The following IL22RA1 variants were observed in gnomAD, a reference collection of about 807,000 sequenced individuals.
The protein encoded by IL22RA1 is interleukin 22 receptor subunit alpha 1, also known as interleukin-22 receptor subunit alpha-1.
Under a neutral mutation model 32.8 loss-of-function variants are expected in IL22RA1, and 25 were observed. That is an observed-to-expected ratio of 0.76 (90% CI 0.55 to 1.06). The LOEUF (loss-of-function observed/expected upper bound fraction) is 1.06, where lower values mean the gene tolerates loss of function less well. IL22RA1 is among the 50% of genes least tolerant of loss of function. The pLI is 0.00. For synonymous variants in IL22RA1, 305 were observed against 305.0 expected (o/e 1.00, Z 0.00); for missense variants, 709 against 727.4 (o/e 0.97, Z 0.29).
At chr1:24,125,157 T>C (rs1463844604) in intron 5 of IL22RA1, among the ~76,000 whole-genome samples, 2 of 152,190 alleles carry the variant, frequency 1.3e-5, no homozygotes, top group African/African-American at 2.4e-5. Context: ...ATGATCTGTA[T>C]GATCATGTAG....
intron 4 of IL22RA1, among the ~76,000 whole-genome samples, chr1:24,133,919 AT>A (rs1446966938): frequency 4.0e-5 from 6 of 151,892 alleles, no homozygotes; most frequent in African/African-American, 1.5e-4. Flanking sequence ...TAATAATAAA[AT>A]AAAAATAAAT....
At chr1:24,136,691 C>T (rs918936649) in intron 3 of IL22RA1, among the ~76,000 whole-genome samples, 8 of 152,064 alleles carry the variant, frequency 5.3e-5, no homozygotes, top group Non-Finnish European at 8.8e-5. Context: ...CCTCGTGGGC[C>T]GTGGCAAGGA....
intron 6 of IL22RA1, 71 bp from the exon 7 acceptor site, chr1:24,121,808 G>A (rs1277607970): frequency 2.4e-6 from 3 of 1,260,436 alleles, no homozygotes; most frequent in East Asian, 2.7e-5. Context: ...GGTGATGTGG[G>A]TGGGTGAGGT....
chr1:24,128,295 A>T lies in IL22RA1; in HGVS notation c.532-16T>A. 1 of 1,613,276 alleles carries T rather than the reference A, an allele frequency of 6.2e-7. No homozygotes were observed. The highest frequency in any genetic ancestry group is 8.5e-7 in the Non-Finnish European group (1 of 1,179,620). ...CTCCAAGGTGCTGAATTGGACAGAGAATGGAATGTGATTCCTGTTACACAC... is the reference window on the plus strand; with the variant it reads ...CTCCAAGGTGCTGAATTGGACAGAGTATGGAATGTGATTCCTGTTACACAC... On this transcript the variant is annotated splice_polypyrimidine_tract_variant and intron_variant, in intron 4 of 6. Coordinates refer to ENST00000270800, the MANE Select transcript of IL22RA1 (RefSeq NM_021258.4).
At chr1:24,139,292 G>C (rs991401196) in intron 1 of IL22RA1, among the ~76,000 whole-genome samples, 1 of 152,200 alleles carries the variant, frequency 6.6e-6, no homozygotes, top group Non-Finnish European at 1.5e-5. Flanking sequence ...TTTTAGGGCT[G>C]AATAATATTC....
intron 4 of IL22RA1, among the ~76,000 whole-genome samples, chr1:24,133,730 T>A (rs1375375585): frequency 6.6e-6 from 1 of 152,130 alleles, no homozygotes; most frequent in Non-Finnish European, 1.5e-5. Flanking sequence ...CAAAAAACAA[T>A]GTAAATATTA....
At chr1:24,135,006 A>G (rs1644232811) in intron 3 of IL22RA1, 1 of 165,318 alleles carries the variant, frequency 6.0e-6, no homozygotes, top group South Asian at 2.0e-4. Context: ...TTTACCCTGA[A>G]TCTAATTTGT....
intron 6 of IL22RA1, 132 bp downstream of exon 6, chr1:24,123,170 G>A: frequency 2.3e-6 from 3 of 1,328,004 alleles, no homozygotes; most frequent in Non-Finnish European, 3.0e-6. Context: ...GGGACTGTGA[G>A]CTCCGTGAAT....
chr1:24,140,400 G>A (rs530995425), intron 1 of IL22RA1, among the ~76,000 whole-genome samples: 11 of 152,328 alleles, frequency 7.2e-5, no homozygotes, highest in Admixed American at 5.9e-4. Context: ...GCTCTGTAGG[G>A]AGGGGGCTAT....
At chr1:24,133,364 G>C (rs1644219764) in intron 4 of IL22RA1, among the ~76,000 whole-genome samples, 1 of 151,944 alleles carries the variant, frequency 6.6e-6, no homozygotes, top group Non-Finnish European at 1.5e-5. Flanking sequence ...ATAGCTATTT[G>C]AATTCTTGTT....
Position 24,137,268 on chromosome 1 carries a change from C to G in IL22RA1, c.218G>C (p.Arg73Pro), listed in dbSNP as rs200680853. 5 of 1,614,156 alleles carry G rather than the reference C, an allele frequency of 3.1e-6. 1 individual carries two copies. In the South Asian group the frequency reaches 5.5e-5, roughly 18 times the overall value. The change falls in exon 3 of 7, where the codon CGG becomes CCG. Residue 73 changes from arginine (R) to proline (P), a missense_variant. By Grantham distance (103) the Arg-to-Pro change is moderately radical (BLOSUM62 -2). Coordinates refer to ENST00000270800, the MANE Select transcript of IL22RA1 (RefSeq NM_021258.4). ...CAGGTTGCAGGACTTCCGGGTGATCCGCTGACAGCCCTTCTTTGCCACCCA... is the reference window on the plus strand; with the variant it reads ...CAGGTTGCAGGACTTCCGGGTGATCGGCTGACAGCCCTTCTTTGCCACCCA... ...RDWVAKKGCQ[R>P]ITRKSCNLTV...
In IL22RA1 at chr1:24,134,394, T is replaced by C. The variant is rs1644228134; in HGVS notation, c.356-8A>G. 14 of 1,474,396 alleles carry C rather than the reference T, an allele frequency of 9.5e-6. No individual in the cohort carries two copies. Among genetic ancestry groups the C allele is most frequent in the Middle Eastern group, 1.8e-4 (1 of 5,458 alleles). 91.3% of individuals were successfully genotyped at this position (1,474,396 alleles called of 1,614,324 possible). On this transcript the variant is annotated splice_region_variant and splice_polypyrimidine_tract_variant and intron_variant, in intron 3 of 6. Transcript: ENST00000270800. ...CAGGTGGCTTGAGGGTAGCTGGGGA[T>C]AGGGAGAGAGAAAAGAGAAAAGAAA... is the stretch of plus-strand genomic sequence containing the variant.
rs1280704829 is a variant in IL22RA1 at position 24,121,596 on chromosome 1, G to A, written c.934C>T (p.Pro312Ser). 1 of 1,612,748 alleles carries A rather than the reference G, an allele frequency of 6.2e-7. No homozygotes were observed. The highest frequency in any genetic ancestry group is 8.5e-7 in the Non-Finnish European group (1 of 1,179,074). ...CTATGCCGCTGTGGAGCTCCTGCGGGCTCCCTGGGTCCAGACACCCTGATC... is the reference window on the plus strand; with the variant it reads ...CTATGCCGCTGTGGAGCTCCTGCGGACTCCCTGGGTCCAGACACCCTGATC... ...SQIRVSGPRE[P>S]AGAPQRHSLS... The change falls in exon 7 of 7, where the codon CCC becomes TCC. Residue 312 changes from proline to serine, a missense_variant. By Grantham distance (74) the Pro-to-Ser change is moderately conservative. Coordinates refer to ENST00000270800, the MANE Select transcript of IL22RA1 (RefSeq NM_021258.4).
chr1:24,127,486 AT>A (rs1442989608), intron 5 of IL22RA1, among the ~76,000 whole-genome samples: 2 of 151,640 alleles, frequency 1.3e-5, no homozygotes, highest in Non-Finnish European at 2.9e-5. Context: ...TAAGTTTTTG[AT>A]TTTTTTGTGG....
At chr1:24,124,592 G>T (rs1644148437) in intron 5 of IL22RA1, among the ~76,000 whole-genome samples, 1 of 152,102 alleles carries the variant, frequency 6.6e-6, no homozygotes, top group Non-Finnish European at 1.5e-5. Context: ...CAGTCCAGGG[G>T]CCAGCTAATC....
intron 3 of IL22RA1, among the ~76,000 whole-genome samples, chr1:24,135,845 C>T (rs1644238286): frequency 6.6e-6 from 1 of 151,954 alleles, no homozygotes; most frequent in Non-Finnish European, 1.5e-5. Flanking sequence ...CCTACTGGGT[C>T]CTTCCCACAA....
intron 6 of IL22RA1, among the ~76,000 whole-genome samples, chr1:24,122,657 T>G (rs1644133212): frequency 6.6e-6 from 1 of 151,606 alleles, no homozygotes; most frequent in Non-Finnish European, 1.5e-5. Context: ...TAGCCAGGTG[T>G]GGTGGTGGTG....
intron 3 of IL22RA1, among the ~76,000 whole-genome samples, chr1:24,135,141 A>T (rs981894675): frequency 2.6e-5 from 4 of 152,222 alleles, no homozygotes; most frequent in African/African-American, 9.6e-5. Context: ...GGAAATACAT[A>T]AGTAAATTAG....
intron 4 of IL22RA1, among the ~76,000 whole-genome samples, chr1:24,133,322 C>T (rs939703572): frequency 9.9e-5 from 15 of 151,930 alleles, no homozygotes; most frequent in African/African-American, 3.6e-4. Flanking sequence ...ACATCCTGCC[C>T]CACCTCCCAA....
Sources: gnomAD v4.1 joint callset for allele counts (sites outside exome capture counted in the v4.1 genomes callset) on GRCh38, gnomAD v4.1.1 for gene constraint, MANE v1.5 for transcripts, NCBI Gene and HGNC (gene_info 2026-07-23, HGNC 2026-07-21) for gene names.